Variants in ACYP2 observed in about 807,000 individuals in gnomAD.
The protein encoded by ACYP2 is acylphosphatase-2.
In ACYP2, 12 loss-of-function variants were observed where a neutral mutation model predicts 11.2. That is an observed-to-expected ratio of 1.08 (90% CI 0.69 to 1.74). ACYP2 has a LOEUF of 1.74. ACYP2 is among the 40% of genes most tolerant of loss of function. ACYP2 has a pLI of 0.00. For synonymous variants in ACYP2, 43 were observed against 32.2 expected (o/e 1.33, Z -1.13); for missense variants, 134 against 101.9 (o/e 1.31, Z -1.35).
chr2:54,248,640 T>C (rs1048807126), intron 6 of ACYP2, among the ~76,000 whole-genome samples: 1 of 152,086 alleles, frequency 6.6e-6, no homozygotes, highest in Non-Finnish European at 1.5e-5. Context: ...ACACTGTAGA[T>C]TGTCTGTCTC....
At chr2:54,032,452 T>C (rs1349460340) in intron 2 of ACYP2, among the ~76,000 whole-genome samples, 1 of 152,220 alleles carries the variant, frequency 6.6e-6, no homozygotes, top group African/African-American at 2.4e-5. Context: ...GTGGTTTTAT[T>C]TCTGAGGGCT....
At chr2:54,205,097 A>G (rs186508322) in intron 6 of ACYP2, among the ~76,000 whole-genome samples, 2 of 152,254 alleles carry the variant, frequency 1.3e-5, no homozygotes, top group East Asian at 3.9e-4. Flanking sequence ...CTATCTCTCC[A>G]TTCTGGTTTC....
rs76236408 is a variant in ACYP2, at chr2:54,240,469, G to C, written c.405-64219G>C. Among the ~76,000 whole-genome samples the C allele has an allele frequency of 3.1e-4, 47 of 152,274 alleles. No individual in the cohort carries two copies. The East Asian group carries it at 8.1e-3, about 26-fold the overall frequency. The stretch of plus-strand genomic sequence containing the variant: ...GGAGAACTCATTCTTCTCTACTTTA[G>C]AGGTGTTTCTTTTTCTAATAACTGG... On this transcript the variant is annotated intron_variant, in intron 6 of 6. Coordinates refer to ENST00000607452, the MANE Select transcript of ACYP2 (RefSeq NM_001320586.2).
chr2:54,197,298 A>G (rs535202547), intron 6 of ACYP2, among the ~76,000 whole-genome samples: 2 of 152,286 alleles, frequency 1.3e-5, no homozygotes, highest in East Asian at 3.9e-4. Context: ...ACAGTGAACA[A>G]TGCATCTCAG....
intron 6 of ACYP2, among the ~76,000 whole-genome samples, chr2:54,302,308 G>A (rs1317042759): frequency 2.0e-5 from 3 of 152,112 alleles, no homozygotes; most frequent in Middle Eastern, 3.2e-3. Flanking sequence ...AAACACAATG[G>A]CCAGTTCTCA....
chr2:54,207,142 GTTA>G (rs1445917520), intron 6 of ACYP2, among the ~76,000 whole-genome samples: 7 of 133,964 alleles, frequency 5.2e-5, no homozygotes, highest in Non-Finnish European at 1.1e-4. Flanking sequence ...TATATCTCAA[GTTA>G]TTATATGTAC....
rs573943656 is a variant in ACYP2 at position 54,280,477 on chromosome 2, G to A, written c.405-24211G>A. On this transcript the variant is annotated intron_variant, in intron 6 of 6. Coordinates refer to ENST00000607452, the MANE Select transcript of ACYP2 (RefSeq NM_001320586.2). Reference sequence around the variant, plus strand: ...CATGATAAACATGGGTTCAGATGAAGTCATTCAGAGAGTAAATCAAGATTA... The same window carrying A: ...CATGATAAACATGGGTTCAGATGAAATCATTCAGAGAGTAAATCAAGATTA... Among the ~76,000 whole-genome samples the A allele has an allele frequency of 6.6e-5, 10 of 152,268 alleles. No homozygotes were observed. In the South Asian group the frequency reaches 2.1e-3, roughly 32 times the overall value.
intron 4 of ACYP2, among the ~76,000 whole-genome samples, chr2:54,124,447 C>A (rs540900775): frequency 6.6e-6 from 1 of 152,236 alleles, no homozygotes; most frequent in South Asian, 2.1e-4. Context: ...CCACCCTCCT[C>A]GGCCTCCCAA....
intron 2 of ACYP2, among the ~76,000 whole-genome samples, chr2:54,028,394 A>G (rs79616495): frequency 0.018 from 2,726 of 152,278 alleles, 36 homozygotes; most frequent in Admixed American, 0.031. Context: ...AAAAAGCCTC[A>G]AGGTCTCTCT....
At chr2:54,187,037 A>G (rs912395671) in intron 6 of ACYP2, among the ~76,000 whole-genome samples, 2 of 152,104 alleles carry the variant, frequency 1.3e-5, no homozygotes, top group Non-Finnish European at 2.9e-5. Context: ...CATCCATAGG[A>G]AAATAATAGT....
At chr2:54,115,836 A>C (rs1216745637) in intron 4 of ACYP2, 80 bp downstream of exon 1, 15 of 1,411,338 alleles carry the variant, frequency 1.1e-5, no homozygotes, top group Non-Finnish European at 1.3e-5. Context: ...CCTCCCACCT[A>C]AAGTATGCCT....
At chr2:54,027,443 C>T (rs1261047408) in intron 2 of ACYP2, among the ~76,000 whole-genome samples, 1 of 152,152 alleles carries the variant, frequency 6.6e-6, no homozygotes, top group African/African-American at 2.4e-5. Context: ...AGCCTAATTC[C>T]TCCCAGTTTG....
intron 2 of ACYP2, among the ~76,000 whole-genome samples, chr2:53,974,295 C>T (rs986569334): frequency 2.6e-5 from 4 of 151,974 alleles, no homozygotes; most frequent in African/African-American, 7.3e-5. Context: ...CGACAAAGAG[C>T]GGAAGAGAAT....
chr2:54,051,860 C>T (rs1675883086), intron 3 of ACYP2: 1 of 288,138 alleles, frequency 3.5e-6, no homozygotes, highest in African/African-American at 2.3e-5. Context: ...GCCTGGCCAA[C>T]ATGGCAAAAC....
chr2:54,148,630 G>C (rs1241199636), intron 6 of ACYP2, among the ~76,000 whole-genome samples: 1 of 152,122 alleles, frequency 6.6e-6, no homozygotes, highest in East Asian at 1.9e-4. Context: ...GTTGTCATCA[G>C]TATGTGGATA....
At chr2:54,273,858 G>T (rs1309388739) in intron 6 of ACYP2, among the ~76,000 whole-genome samples, 1 of 152,146 alleles carries the variant, frequency 6.6e-6, no homozygotes, top group Non-Finnish European at 1.5e-5. Context: ...GGGAGAGAGG[G>T]AAGACCTATA....
At chr2:54,265,951 T>G (rs1486395933) in intron 6 of ACYP2, among the ~76,000 whole-genome samples, 1 of 152,190 alleles carries the variant, frequency 6.6e-6, no homozygotes, top group Non-Finnish European at 1.5e-5. Flanking sequence ...ATACCCCTTC[T>G]TTTCACGTGC....
Position 54,051,006 on chromosome 2 carries a change from C to A in ACYP2, c.111C>A (p.Val37=). 1 of 453,582 alleles carries A rather than the reference C, an allele frequency of 2.2e-6. No individual in the cohort carries two copies. The highest frequency in any genetic ancestry group is 6.0e-5 in the South Asian group (1 of 16,798). 28.1% of individuals were successfully genotyped at this position (453,582 alleles called of 1,614,324 possible). The change falls in exon 3 of 7, where the codon GTC becomes GTA. Residue 37 remains valine, a synonymous_variant. Coordinates refer to ENST00000607452, the MANE Select transcript of ACYP2 (RefSeq NM_001320586.2). ...TAGGCTGTTCTAGAACTCCTAATGTCAAGCTATCCTCCTGCCTCGGCCTCC... is the reference window on the plus strand; with the variant it reads ...TAGGCTGTTCTAGAACTCCTAATGTAAAGCTATCCTCCTGCCTCGGCCTCC...
chr2:54,172,067 A>G lies in ACYP2; in HGVS notation c.404+33319A>G, dbSNP rs915959105. Among the ~76,000 whole-genome samples the G allele has an allele frequency of 6.6e-5, 10 of 152,052 alleles. No individual in the cohort carries two copies. The South Asian group carries it at 1.5e-3, about 22-fold the overall frequency. Reference sequence around the variant, plus strand: ...CATCTCTACAAAAATAAAAAATACAATTAGCCAAGGATGGTGGGATGTGTC... The same window carrying G: ...CATCTCTACAAAAATAAAAAATACAGTTAGCCAAGGATGGTGGGATGTGTC... On this transcript the variant is annotated intron_variant, in intron 6 of 6. Transcript: ENST00000607452.
Sources: allele counts gnomAD v4.1 joint callset (sites outside exome capture counted in the v4.1 genomes callset), GRCh38; gene constraint gnomAD v4.1.1; transcripts MANE v1.5; gene names NCBI Gene and HGNC (gene_info 2026-07-23, HGNC 2026-07-21).